The following RELB variants were observed in gnomAD, a reference collection of about 807,000 sequenced individuals.
RELB encodes transcription factor RelB.
Under a neutral mutation model 55.4 loss-of-function variants are expected in RELB, and 14 were observed. The ratio of observed to expected loss-of-function variants is 0.25; its 90% confidence interval spans 0.17 to 0.40. RELB has a LOEUF of 0.40. RELB is among the 10% of genes least tolerant of loss of function. The probability of loss-of-function intolerance (pLI) is 1.00; values close to 1 mark genes in which losing one functional copy is unlikely to be tolerated. For synonymous variants in RELB, 409 were observed against 371.3 expected, an observed-to-expected ratio of 1.10 and a Z score of -1.17; for missense variants, 669 against 830.7, an observed-to-expected ratio of 0.81 and a Z score of 2.39.
At chr19:45,028,036 C>T (rs1225840230) in intron 7 of RELB, among the ~76,000 whole-genome samples, 2 of 152,042 alleles carry the variant, frequency 1.3e-5, no homozygotes, top group Non-Finnish European at 2.9e-5. Context: ...TGTGCCACCA[C>T]ACCTGGCTAA....
At chr19:45,035,287 G>A (rs1444915420) in intron 11 of RELB, among the ~76,000 whole-genome samples, 1 of 152,086 alleles carries the variant, frequency 6.6e-6, no homozygotes, top group Non-Finnish European at 1.5e-5. Context: ...GGGAGGCTGA[G>A]GCAGGTGGAC....
intron 8 of RELB, among the ~76,000 whole-genome samples, chr19:45,029,200 C>G (rs117071266): frequency 4.9e-4 from 75 of 152,308 alleles, no homozygotes; most frequent in African/African-American, 1.8e-3. Context: ...CTGCGTAGGA[C>G]GACAGAGACT....
Position 45,012,205 on chromosome 19 carries a change from G to A in RELB, c.433G>A (p.Glu145Lys). The A allele has an allele frequency of 6.6e-7, 1 of 1,513,738 alleles. No individual in the cohort carries two copies. The allele number at this position is 1,513,738 out of a possible 1,614,324, so 93.8% of individuals were successfully genotyped here. ...CGGCATGCGCTTCCGCTACGAGTGC[G>A]AGGGCCGCTCGGCCGGCAGCATCCT... ...QRGMRFRYECEGRSAGSILGE... is the reference protein window; with the variant it reads ...QRGMRFRYECKGRSAGSILGE... The change falls in exon 4 of 12, where the codon GAG becomes AAG. Residue 145 changes from glutamate to lysine, a missense_variant. Glu to Lys is a moderately conservative substitution (Grantham distance 56). Around this residue, in one of 3 missense-constraint regions of RELB, gnomAD observed 323 missense variants for 368.5 expected, o/e 0.88. Coordinates refer to ENST00000221452, the MANE Select transcript of RELB (RefSeq NM_006509.4).
chr19:45,016,542 G>A (rs577086310), intron 4 of RELB, among the ~76,000 whole-genome samples: 10 of 152,164 alleles, frequency 6.6e-5, no homozygotes, highest in East Asian at 1.9e-4. Context: ...CCAAAGTGGC[G>A]AACAACTCTT....
intron 7 of RELB, among the ~76,000 whole-genome samples, chr19:45,028,166 G>C (rs1052072611): frequency 2.0e-5 from 3 of 151,946 alleles, no homozygotes; most frequent in Non-Finnish European, 4.4e-5. Flanking sequence ...TTACAGGTGT[G>C]AGCCATCATG....
In RELB at chr19:45,012,156, C is replaced by T; in HGVS notation, c.384C>T (p.Val128=). ...APGPGPQPHL[V]ITEQPKQRGM... ...GCCCGGGCCCGCAGCCGCACCTGGT[C>T]ATCACGGAGCAGCCCAAGCAGCGCG... is the stretch of plus-strand genomic sequence containing the variant. The change falls in exon 4 of 12, where the codon GTC becomes GTT. Residue 128 remains valine (V), a synonymous_variant. Transcript: ENST00000221452. 6.4e-7 allele frequency: 1 copy of T among 1,562,728 alleles called. No homozygotes were observed. Among genetic ancestry groups the T allele is most frequent in the Non-Finnish European group, 8.6e-7 (1 of 1,163,532 alleles).
At chr19:45,021,871 G>A (rs1055757560) in intron 4 of RELB, 182 bp from the exon 5 acceptor site, 31 of 552,580 alleles carry the variant, frequency 5.6e-5, no homozygotes, top group Non-Finnish European at 7.8e-5. Flanking sequence ...CACCTCGCCC[G>A]GCCCAAAGTG....
chr19:45,022,906 A>G (rs577460193), intron 5 of RELB, among the ~76,000 whole-genome samples: 3 of 152,104 alleles, frequency 2.0e-5, no homozygotes, highest in Non-Finnish European at 4.4e-5. Flanking sequence ...ATGTCCACAA[A>G]TGCTTACACA....
chr19:45,030,308 A>G (rs1265002958), intron 8 of RELB, among the ~76,000 whole-genome samples: 1 of 152,078 alleles, frequency 6.6e-6, no homozygotes, highest in Non-Finnish European at 1.5e-5. Context: ...CCCCATCTCT[A>G]CAAAAAAAAG....
chr19:45,036,387 A>G (rs909162145), intron 11 of RELB, among the ~76,000 whole-genome samples: 1 of 152,060 alleles, frequency 6.6e-6, no homozygotes, highest in African/African-American at 2.4e-5. Flanking sequence ...AATCCCTCTT[A>G]TAATGAAACT....
In RELB at chr19:45,011,979, C is replaced by T. The variant is rs2122413812; in HGVS notation, c.207C>T (p.Asp69=). Residue 69 remains aspartate (D), a synonymous_variant, in exon 4 of 12, where the codon GAC becomes GAT. Transcript: ENST00000221452. The stretch of plus-strand genomic sequence containing the variant: ...TCAAGGAGAACGGCTTCGGCCTGGA[C>T]GGGGGACAGCCGGGCCCGGGCGAGG... The part of the protein sequence containing the change: ...EYIKENGFGL[D]GGQPGPGEGL... The T allele has an allele frequency of 1.3e-6, 2 of 1,567,878 alleles. No homozygotes were observed. Among genetic ancestry groups the T allele is most frequent in the Non-Finnish European group, 8.6e-7 (1 of 1,163,008 alleles).
At chr19:45,027,169 C>A (rs563115818) in intron 7 of RELB, among the ~76,000 whole-genome samples, 1 of 148,188 alleles carries the variant, frequency 6.7e-6, no homozygotes, top group Non-Finnish European at 1.5e-5. Context: ...GGAGGCGGAG[C>A]TTGCAGTGAG....
chr19:45,001,617 C>G lies in RELB; in HGVS notation c.38C>G (p.Pro13Arg). The change falls in exon 1 of 12, where the codon CCC (proline) becomes CGC (arginine). Residue 13 changes from proline (P) to arginine (R), a missense_variant. Physicochemically the swap from Pro to Arg is moderately radical, Grantham distance 103. Around this residue, in one of 3 missense-constraint regions of RELB, gnomAD observed 323 missense variants for 368.5 expected, o/e 0.88. Transcript: ENST00000221452. ...GGGCCAGCCTCTGGGCCGTCCGTCC[C>G]CACTGGCCGGGCCATGCCGAGTCGC... ...RSGPASGPSVPTGRAMPSRRV... is the reference protein window; with the variant it reads ...RSGPASGPSVRTGRAMPSRRV... 3 of 1,519,730 alleles carry G rather than the reference C, an allele frequency of 2.0e-6. No homozygotes were observed. Among genetic ancestry groups the G allele is most frequent in the Non-Finnish European group, 2.6e-6 (3 of 1,140,230 alleles). 94.1% of individuals were successfully genotyped at this position (1,519,730 alleles called of 1,614,324 possible). A position where few individuals can be genotyped will look rare whatever the true frequency, so the allele number is the denominator to read the frequency against.
chr19:45,030,178 A>G (rs886167286), intron 8 of RELB, among the ~76,000 whole-genome samples: 4 of 151,570 alleles, frequency 2.6e-5, no homozygotes, highest in Non-Finnish European at 4.4e-5. Flanking sequence ...AAAAATCAAA[A>G]CCAAAAACAA....
Position 45,001,660 on chromosome 19 carries a change from G to T in RELB, c.81G>T (p.Pro27=). The T allele has an allele frequency of 6.6e-7, 1 of 1,522,494 alleles. No homozygotes were observed. The highest frequency in any genetic ancestry group is 8.8e-7 in the Non-Finnish European group (1 of 1,141,150). 94.3% of individuals were successfully genotyped at this position (1,522,494 alleles called of 1,614,324 possible). A position where few individuals can be genotyped will look rare whatever the true frequency, so the allele number is the denominator to read the frequency against. ...AMPSRRVARP[P]AAPELGALGS... The stretch of plus-strand genomic sequence containing the variant: ...CGAGTCGCCGCGTCGCCAGACCGCC[G>T]GCTGCGCCGGAGCTGGGGGCCTTAG... The change falls in exon 1 of 12, where the codon CCG becomes CCT. Residue 27 remains proline (P), a synonymous_variant. Transcript: ENST00000221452.
chr19:45,002,919 A>T (rs779010111), intron 1 of RELB, 30 bp from the exon 2 acceptor site: 1 of 1,606,902 alleles, frequency 6.2e-7, no homozygotes, highest in East Asian at 2.2e-5. Flanking sequence ...GCCCCCCATC[A>T]CCTCCTGAGA....
At chr19:45,007,509 G>T (rs1036936675) in intron 2 of RELB, among the ~76,000 whole-genome samples, 1 of 152,122 alleles carries the variant, frequency 6.6e-6, no homozygotes, top group African/African-American at 2.4e-5. Flanking sequence ...CACAGCCAGT[G>T]AGTAACAGCT....
At position 45,007,631 on chromosome 19, in the gene RELB, G is replaced by A. The variant is rs193068501; in HGVS notation, c.155-2183G>A. On this transcript the variant is annotated intron_variant, in intron 2 of 11. Coordinates refer to ENST00000221452, the MANE Select transcript of RELB (RefSeq NM_006509.4). ...CCAGCACTTTGGGAGGCTGGGGTGG[G>A]TGGGTCACTTGAGGCCAGGAGTTCG... Among the ~76,000 whole-genome samples the A allele has an allele frequency of 1.9e-4, 29 of 152,232 alleles. No homozygotes were observed. In the East Asian group the frequency reaches 5.6e-3, roughly 29 times the overall value.
chr19:45,020,553 C>CTTTT lies in RELB; in HGVS notation c.505-1481_505-1478dup, dbSNP rs34030158. 5.5e-3 allele frequency among the ~76,000 whole-genome samples: 474 copies of CTTTT among 86,510 alleles called. 3 individuals are homozygous for CTTTT. The highest frequency in any genetic ancestry group is 8.1e-3 in the East Asian group (22 of 2,704). The allele number at this position is 86,510 out of a possible 152,430, so 56.8% of individuals were successfully genotyped here. A position where few individuals can be genotyped will look rare whatever the true frequency, so the allele number is the denominator to read the frequency against. Reference sequence around the variant, plus strand: ...TTTTAACCCCAAATGTGGCACCCATCTTTTTTTTTTTTTTTTTTTTTTGAG... The same window carrying CTTTT: ...TTTTAACCCCAAATGTGGCACCCATCTTTTTTTTTTTTTTTTTTTTTTTTTTGAG... On this transcript the variant is annotated intron_variant, in intron 4 of 11. Transcript: ENST00000221452.
Sources: gnomAD v4.1 joint callset for allele counts (sites outside exome capture counted in the v4.1 genomes callset) on GRCh38, gnomAD v4.1.1 for gene constraint, gnomAD v4.1.1 regional missense constraint, MANE v1.5 for transcripts, NCBI Gene and HGNC (gene_info 2026-07-23, HGNC 2026-07-21) for gene names.